DHRSX: variants seen among roughly 807,000 people sequenced by gnomAD.
The protein encoded by DHRSX is dehydrogenase/reductase X-linked.
In DHRSX, 31 loss-of-function variants were observed where a neutral mutation model predicts 34.0. The observed-to-expected ratio is 0.91, with a 90% confidence interval of 0.69 to 1.23. DHRSX has a LOEUF of 1.23. Among genes scored for constraint, DHRSX ranks in the 50% most tolerant of loss-of-function variants. The pLI is 0.00. For missense variants in DHRSX, 414 were observed against 428.1 expected, an observed-to-expected ratio of 0.97 and a Z score of 0.29; for synonymous variants, 201 against 183.8, an observed-to-expected ratio of 1.09 and a Z score of -0.76.
At chrX:2,329,695 C>A (rs116361193) in intron 3 of DHRSX, among the ~76,000 whole-genome samples, 2,233 of 152,140 alleles carry the variant, frequency 0.015, 52 homozygotes, top group African/African-American at 0.051. Flanking sequence ...TTGGTCACAC[C>A]AATTCTTGAC....
chrX:2,396,822 TA>T, intron 3 of DHRSX, among the ~76,000 whole-genome samples: 1 of 147,188 alleles, frequency 6.8e-6, no homozygotes, highest in Non-Finnish European at 1.5e-5. Context: ...CGGAGCGCAA[TA>T]CCACGATCTC....
intron 3 of DHRSX, among the ~76,000 whole-genome samples, chrX:2,379,432 C>G (rs116436758): frequency 0.015 from 2,338 of 152,106 alleles, 63 homozygotes; most frequent in African/African-American, 0.054. Flanking sequence ...TCTGAGCCTG[C>G]CTGAGTTATC....
At chrX:2,459,550 G>GTATATATATATA (rs57748851) in intron 1 of DHRSX, among the ~76,000 whole-genome samples, 231 of 137,782 alleles carry the variant, frequency 1.7e-3, no homozygotes, top group South Asian at 4.2e-3. Context: ...GTGTCTGTGT[G>GTATATATATATA]TATATATATA....
intron 4 of DHRSX, among the ~76,000 whole-genome samples, chrX:2,276,596 A>G (rs753583415): frequency 6.6e-6 from 1 of 152,234 alleles, no homozygotes; most frequent in East Asian, 1.9e-4. Flanking sequence ...GTGAACGCTC[A>G]GGGTCACAAT....
At chrX:2,434,646 G>GT (rs1416817725) in intron 1 of DHRSX, among the ~76,000 whole-genome samples, 1 of 152,220 alleles carries the variant, frequency 6.6e-6, no homozygotes, top group African/African-American at 2.4e-5. Context: ...ACTCCAGCCT[G>GT]GGTGACAGAG....
intron 3 of DHRSX, among the ~76,000 whole-genome samples, chrX:2,292,540 CAG>C (rs1340546244): frequency 5.3e-5 from 8 of 151,840 alleles, no homozygotes; most frequent in Non-Finnish European, 2.9e-5. Context: ...CAAAATGACT[CAG>C]AAGCAAGGAC....
chrX:2,426,808 C>A (rs1173529679), intron 1 of DHRSX, among the ~76,000 whole-genome samples: 1 of 146,822 alleles, frequency 6.8e-6, no homozygotes, highest in Non-Finnish European at 1.5e-5. Context: ...TCCTTCTTTC[C>A]CTCTTTCCTT....
At chrX:2,226,096 C>CT (rs1436482578) in intron 6 of DHRSX, among the ~76,000 whole-genome samples, 10 of 152,118 alleles carry the variant, frequency 6.6e-5, no homozygotes, top group Non-Finnish European at 1.5e-4. Flanking sequence ...TGTCTGTTGT[C>CT]TAAGCTGCCC....
In DHRSX at chrX:2,226,296, T is replaced by C. The variant is rs2015659601; in HGVS notation, c.805-5067A>G. ...AGGGAGGGGAGAGACTTCAGGAGCA[T>C]GAGCAATTACTCGAGTTCCCCTCCC... On this transcript the variant is annotated intron_variant, in intron 6 of 6. Transcript: ENST00000334651. 3.3e-5 allele frequency among the ~76,000 whole-genome samples: 5 copies of C among 152,238 alleles called. No individual in the cohort carries two copies. In the South Asian group the frequency reaches 1.0e-3, roughly 32 times the overall value.
At chrX:2,456,186 C>G (rs1397004037) in intron 1 of DHRSX, among the ~76,000 whole-genome samples, 1 of 152,098 alleles carries the variant, frequency 6.6e-6, no homozygotes, top group Non-Finnish European at 1.5e-5. Flanking sequence ...GGACAATGTG[C>G]GGGACGCCAA....
chrX:2,335,261 G>A (rs2042541764), intron 3 of DHRSX, among the ~76,000 whole-genome samples: 2 of 151,590 alleles, frequency 1.3e-5, no homozygotes, highest in Admixed American at 6.7e-5. Context: ...TGGTCCTGAC[G>A]ACATGTTCCC....
intron 1 of DHRSX, among the ~76,000 whole-genome samples, chrX:2,482,867 C>A (rs1208169593): frequency 6.6e-6 from 1 of 152,058 alleles, no homozygotes; most frequent in Non-Finnish European, 1.5e-5. Context: ...AAAAGGCAAT[C>A]ATTCCTTCTG....
At chrX:2,266,695 A>G in intron 5 of DHRSX, 45 bp downstream of exon 5, 2 of 1,583,064 alleles carry the variant, frequency 1.3e-6, no homozygotes, top group South Asian at 1.1e-5. Context: ...AATAACCTTT[A>G]ACCCACCTGA....
intron 4 of DHRSX, among the ~76,000 whole-genome samples, chrX:2,285,402 A>G (rs1380997596): frequency 6.6e-6 from 1 of 152,146 alleles, no homozygotes; most frequent in Non-Finnish European, 1.5e-5. Context: ...TTAGCTTTTC[A>G]TAAGGAGTGC....
chrX:2,232,858 CA>C (rs2015928748), intron 6 of DHRSX, among the ~76,000 whole-genome samples: 1 of 152,080 alleles, frequency 6.6e-6, no homozygotes, highest in Non-Finnish European at 1.5e-5. Flanking sequence ...AGGCATGAGC[CA>C]TCGTGCCCGA....
chrX:2,322,970 C>G (rs181899789), intron 3 of DHRSX, among the ~76,000 whole-genome samples: 1 of 151,428 alleles, frequency 6.6e-6, no homozygotes, highest in African/African-American at 2.4e-5. Flanking sequence ...GTCGCCCAGG[C>G]TGGAGTGCAA....
intron 1 of DHRSX, among the ~76,000 whole-genome samples, chrX:2,430,540 G>C (rs2043905538): frequency 6.6e-6 from 1 of 152,100 alleles, no homozygotes; most frequent in Admixed American, 6.5e-5. Context: ...CCAGAGAACT[G>C]GCTGGACGCT....
intron 4 of DHRSX, among the ~76,000 whole-genome samples, chrX:2,282,764 GAAA>G: frequency 1.1e-5 from 1 of 91,064 alleles, no homozygotes; most frequent in Non-Finnish European, 2.5e-5. Context: ...GAAGAGGGGA[GAAA>G]GCGAGGGAGG....
intron 3 of DHRSX, among the ~76,000 whole-genome samples, chrX:2,397,811 C>A (rs2043430977): frequency 6.6e-6 from 1 of 152,056 alleles, no homozygotes; most frequent in Non-Finnish European, 1.5e-5. Flanking sequence ...CAAAGCAGAC[C>A]ATACACAATT....
Sources: gnomAD v4.1 joint callset for allele counts (sites outside exome capture counted in the v4.1 genomes callset) on GRCh38, gnomAD v4.1.1 for gene constraint, MANE v1.5 for transcripts, NCBI Gene and HGNC (gene_info 2026-07-23, HGNC 2026-07-21) for gene names.